Variants in PRKCB observed in about 807,000 individuals in gnomAD.
PRKCB encodes protein kinase C beta.
In PRKCB, 13 loss-of-function variants were observed where a neutral mutation model predicts 81.5. The observed-to-expected ratio is 0.16, with a 90% CI of 0.10 to 0.25. The LOEUF (loss-of-function observed/expected upper bound fraction) is 0.25. Ranked by LOEUF, PRKCB falls within the 10% of genes least tolerant of loss-of-function variation. PRKCB has a pLI of 1.00. For synonymous variants in PRKCB, 335 were observed against 321.4 expected, an observed-to-expected ratio of 1.04 and a Z score of -0.45; for missense variants, 509 against 875.7, an observed-to-expected ratio of 0.58 and a Z score of 5.29.
intron 4 of PRKCB, among the ~76,000 whole-genome samples, chr16:24,033,436 C>A (rs538880794): frequency 6.6e-6 from 1 of 152,214 alleles, no homozygotes; most frequent in Non-Finnish European, 1.5e-5. Flanking sequence ...TAGAGAGAGA[C>A]TCAGGCAAAA....
At chr16:24,039,054 A>G (rs897832494) in intron 5 of PRKCB, among the ~76,000 whole-genome samples, 2 of 152,068 alleles carry the variant, frequency 1.3e-5, no homozygotes, top group African/African-American at 4.8e-5. Context: ...GTGGATTTCT[A>G]AGAGGAAGAA....
chr16:24,045,702 C>T (rs1965755162), intron 5 of PRKCB, among the ~76,000 whole-genome samples: 1 of 152,188 alleles, frequency 6.6e-6, no homozygotes, highest in African/African-American at 2.4e-5. Context: ...CCTGGGAGCT[C>T]GTTAGCAATT....
chr16:24,036,817 C>T (rs778133895), intron 5 of PRKCB, among the ~76,000 whole-genome samples: 1 of 152,252 alleles, frequency 6.6e-6, no homozygotes, highest in East Asian at 1.9e-4. Flanking sequence ...GATTGAGGTT[C>T]CCGATGCTGG....
chr16:24,032,341 T>C (rs1965560437), intron 4 of PRKCB, 94 bp downstream of exon 4: 2 of 804,024 alleles, frequency 2.5e-6, no homozygotes, highest in Admixed American at 4.4e-5. Flanking sequence ...CTGCCATACA[T>C]TCCCCCCTGT....
At chr16:23,970,709 G>A (rs1220736132) in intron 2 of PRKCB, among the ~76,000 whole-genome samples, 1 of 152,212 alleles carries the variant, frequency 6.6e-6, no homozygotes, top group Non-Finnish European at 1.5e-5. Flanking sequence ...TTTAGAGATT[G>A]TGGTGTTACA....
At chr16:23,919,424 AC>A (rs1963791489) in intron 2 of PRKCB, among the ~76,000 whole-genome samples, 1 of 150,724 alleles carries the variant, frequency 6.6e-6, no homozygotes, top group Admixed American at 6.6e-5. Context: ...CTGGAGTCTG[AC>A]AAAAATACCG....
Position 24,220,142 on chromosome 16 carries a change from G to A in PRKCB, c.*5326G>A. On this transcript the variant is annotated 3_prime_UTR_variant, in exon 17 of 17. Transcript: ENST00000643927. ...AATGCAAACTCCATCGTTGAGCCTG[G>A]GGTGTAAGACTTCAAGCCAAGCGTA... 1 of 1,613,128 alleles carries A rather than the reference G, an allele frequency of 6.2e-7. No homozygotes were observed. The highest frequency in any genetic ancestry group is 1.1e-5 in the South Asian group (1 of 91,018).
At chr16:23,903,137 T>A (rs1444852486) in intron 2 of PRKCB, among the ~76,000 whole-genome samples, 14 of 151,838 alleles carry the variant, frequency 9.2e-5, no homozygotes, top group Non-Finnish European at 1.8e-4. Flanking sequence ...AGCCTACTTA[T>A]GTTATTTCTA....
At chr16:23,919,387 C>A (rs377013748) in intron 2 of PRKCB, among the ~76,000 whole-genome samples, 147 of 145,944 alleles carry the variant, frequency 1.0e-3, no homozygotes, top group South Asian at 1.3e-3. Context: ...GACGAATTTG[C>A]AAAAAAAAAA....
rs138745735 is a variant in PRKCB, at chr16:23,999,505, T to C, written c.288+10915T>C. Among the ~76,000 whole-genome samples, 126 of 152,310 alleles carry C rather than the reference T, an allele frequency of 8.3e-4. 1 individual carries two copies. The East Asian group carries it at 0.023, about 28-fold the overall frequency. On this transcript the variant is annotated intron_variant, in intron 3 of 16. Coordinates refer to ENST00000643927, the MANE Select transcript of PRKCB (RefSeq NM_002738.7). ...GCCAACCATTCAATAACAATGAGAA[T>C]AGACAACATTTATGGGCACTCGCCA... is the stretch of plus-strand genomic sequence containing the variant.
chr16:24,119,282 G>A (rs1966770497), intron 8 of PRKCB, among the ~76,000 whole-genome samples: 1 of 152,108 alleles, frequency 6.6e-6, no homozygotes. Flanking sequence ...AGTTTCTAGT[G>A]CTGAGGGATG....
At chr16:23,867,845 CT>C (rs1442555929) in intron 2 of PRKCB, among the ~76,000 whole-genome samples, 2 of 152,184 alleles carry the variant, frequency 1.3e-5, no homozygotes, top group Admixed American at 1.3e-4. Context: ...TTATTGCTAA[CT>C]TTTCCCTGTT....
intron 15 of PRKCB, among the ~76,000 whole-genome samples, chr16:24,187,565 C>T (rs974846077): frequency 6.6e-6 from 1 of 152,150 alleles, no homozygotes; most frequent in African/African-American, 2.4e-5. Flanking sequence ...GTTTGCATCC[C>T]CTGGAATTGC....
At chr16:24,093,014 G>C in intron 6 of PRKCB, 67 bp downstream of exon 6, 1 of 1,511,588 alleles carries the variant, frequency 6.6e-7, no homozygotes, top group African/African-American at 1.4e-5. Context: ...TGAAATCAGG[G>C]AGTTCCTCCT....
At chr16:23,876,497 A>C (rs76099114) in intron 2 of PRKCB, among the ~76,000 whole-genome samples, 2,356 of 152,232 alleles carry the variant, frequency 0.015, 59 homozygotes, top group African/African-American at 0.054. Context: ...CACACACTAA[A>C]AAGGAAATGG....
chr16:23,867,631 T>C (rs770535738), intron 2 of PRKCB, among the ~76,000 whole-genome samples: 13 of 152,204 alleles, frequency 8.5e-5, no homozygotes, highest in Non-Finnish European at 1.5e-5. Flanking sequence ...TGTGTCACTT[T>C]AGTGCCATAA....
chr16:23,922,313 G>A (rs1216850684), intron 2 of PRKCB, among the ~76,000 whole-genome samples: 1 of 152,178 alleles, frequency 6.6e-6, no homozygotes, highest in Non-Finnish European at 1.5e-5. Flanking sequence ...GGCACCAGTA[G>A]TAATTTTTCC....
chr16:24,110,373 A>C (rs390532), intron 7 of PRKCB, among the ~76,000 whole-genome samples: 65,426 of 151,386 alleles, frequency 0.43, 15,801 homozygotes, highest in Non-Finnish European at 0.54. Context: ...CACCATGCCC[A>C]CCTAATTTTT....
chr16:24,100,282 C>T (rs1260498728), intron 7 of PRKCB, among the ~76,000 whole-genome samples: 1 of 151,892 alleles, frequency 6.6e-6, no homozygotes, highest in African/African-American at 2.4e-5. Context: ...GGGGTCTGTT[C>T]TGTCAGTGGG....
Sources: allele counts gnomAD v4.1 joint callset (sites outside exome capture counted in the v4.1 genomes callset), GRCh38; gene constraint gnomAD v4.1.1; transcripts MANE v1.5; gene names NCBI Gene and HGNC (gene_info 2026-07-23, HGNC 2026-07-21).